Variants in MID1 observed in about 807,000 individuals in gnomAD.
The protein encoded by MID1 is midline 1.
MID1 carries 7 observed loss-of-function variants against 40.4 expected under a neutral mutation model. The observed-to-expected ratio is 0.17, with a 90% CI of 0.10 to 0.33. The LOEUF (loss-of-function observed/expected upper bound fraction) is 0.33. Among genes scored for constraint, MID1 ranks in the 10% least tolerant of loss-of-function variants. The pLI, the probability that MID1 is intolerant of heterozygous loss-of-function variation, is 1.00. For missense variants in MID1, 367 were observed against 558.5 expected, an observed-to-expected ratio of 0.66 and a Z score of 3.46; for synonymous variants, 229 against 221.2, an observed-to-expected ratio of 1.04 and a Z score of -0.31.
chrX:10,634,364 T>C (rs752526331), intron 1 of MID1, among the ~76,000 whole-genome samples: 1 of 111,641 alleles, frequency 9.0e-6, no homozygotes, highest in Non-Finnish European at 1.9e-5. Context: ...GAAATAAGCA[T>C]ATAAGTTGTA....
intron 1 of MID1, among the ~76,000 whole-genome samples, chrX:10,776,942 T>C (rs1370621815): frequency 8.9e-6 from 1 of 112,201 alleles, no homozygotes; most frequent in African/African-American, 3.2e-5. Context: ...CTATCTGCCA[T>C]GTACTGTACT....
intron 1 of MID1, among the ~76,000 whole-genome samples, chrX:10,573,054 C>A (rs1934781318): frequency 4.4e-5 from 5 of 112,606 alleles, no homozygotes; most frequent in Admixed American, 2.8e-4. Flanking sequence ...TGACAGATTA[C>A]AGTGAAGCCC....
At chrX:10,460,254 C>A (rs974409793) in intron 7 of MID1, among the ~76,000 whole-genome samples, 3 of 111,575 alleles carry the variant, frequency 2.7e-5, no homozygotes, top group African/African-American at 9.8e-5. Flanking sequence ...CAGGATGAGA[C>A]AGGGAACAGC....
chrX:10,465,218 C>CAT (rs1569272266), intron 7 of MID1, among the ~76,000 whole-genome samples: 4 of 58,486 alleles, frequency 6.8e-5, no homozygotes, highest in African/African-American at 2.7e-4. Context: ...TATATATACA[C>CAT]ACACACACAC....
At chrX:10,626,378 G>T (rs1043509382) in intron 1 of MID1, among the ~76,000 whole-genome samples, 11 of 107,825 alleles carry the variant, frequency 1.0e-4, no homozygotes, top group Admixed American at 7.0e-4. Flanking sequence ...GCCCAGGCTG[G>T]AGTGCAGTGG....
At chrX:10,564,541 G>T (rs1236018375) in intron 2 of MID1, among the ~76,000 whole-genome samples, 1 of 111,504 alleles carries the variant, frequency 9.0e-6, no homozygotes, top group Non-Finnish European at 1.9e-5. Flanking sequence ...CTGTAACTAG[G>T]AAATAAAAAG....
chrX:10,663,386 C>T (rs763511077), intron 1 of MID1, among the ~76,000 whole-genome samples: 2 of 112,005 alleles, frequency 1.8e-5, no homozygotes, highest in East Asian at 5.6e-4. Flanking sequence ...TGGAATCCTA[C>T]AATATGTGAT....
chrX:10,732,869 T>C (rs1026927437), intron 1 of MID1, among the ~76,000 whole-genome samples: 8 of 101,252 alleles, frequency 7.9e-5, no homozygotes, highest in African/African-American at 2.9e-4. Context: ...TCTTCTTTTT[T>C]TTTTTTTTTT....
At position 10,592,274 on chromosome X, in the gene MID1, TAAAAAAAAA is replaced by T. The variant is rs144661774; in HGVS notation, c.-56-24680_-56-24672del. Among the ~76,000 whole-genome samples the T allele has an allele frequency of 7.7e-3, 217 of 28,256 alleles. 2 individuals are homozygous for T. Among genetic ancestry groups the T allele is most frequent in the African/African-American group, 0.029 (207 of 7,177 alleles). The allele number at this position is 28,256 out of a possible 115,157, so 24.5% of individuals were successfully genotyped here. A position where few individuals can be genotyped will look rare whatever the true frequency, so the allele number is the denominator to read the frequency against. On this transcript the variant is annotated intron_variant, in intron 1 of 9. Coordinates refer to ENST00000317552, the MANE Select transcript of MID1 (RefSeq NM_000381.4). ...AAAATTTCCTGCTTAGGGACTGCGT[TAAAAAAAAA>T]AAAAAAAAAAAAAAAAAAAAGACCA...
At chrX:10,706,716 T>C (rs1474237152) in intron 1 of MID1, among the ~76,000 whole-genome samples, 1 of 111,500 alleles carries the variant, frequency 9.0e-6, no homozygotes, top group East Asian at 2.8e-4. Flanking sequence ...AGCATAAGAA[T>C]GGACTATTAC....
chrX:10,586,339 G>C (rs1935141951), intron 1 of MID1, among the ~76,000 whole-genome samples: 1 of 111,544 alleles, frequency 9.0e-6, no homozygotes, highest in Admixed American at 9.5e-5. Context: ...GCTTCTGGGT[G>C]TGACTGAAGC....
At chrX:10,483,417 T>C (rs1930449188) in intron 4 of MID1, among the ~76,000 whole-genome samples, 1 of 112,145 alleles carries the variant, frequency 8.9e-6, no homozygotes, top group East Asian at 2.8e-4. Flanking sequence ...TCAAACATAA[T>C]TGACCATAAC....
chrX:10,582,493 C>A (rs1935041876), intron 1 of MID1, among the ~76,000 whole-genome samples: 2 of 112,027 alleles, frequency 1.8e-5, no homozygotes, highest in African/African-American at 3.2e-5. Context: ...GAAATCAGAT[C>A]ATCACTGGAC....
intron 2 of MID1, among the ~76,000 whole-genome samples, chrX:10,533,368 G>GAA (rs1460776678): frequency 4.5e-3 from 244 of 53,733 alleles, no homozygotes; most frequent in African/African-American, 0.014. Context: ...AAGAAAGAAA[G>GAA]AAAGAAAGAA....
At chrX:10,660,662 G>A (rs752948301) in intron 1 of MID1, among the ~76,000 whole-genome samples, 1 of 111,661 alleles carries the variant, frequency 9.0e-6, no homozygotes, top group South Asian at 3.8e-4. Context: ...CCGGGCTGCT[G>A]GTCTTGTCTA....
intron 1 of MID1, among the ~76,000 whole-genome samples, chrX:10,663,514 T>C (rs1267104405): frequency 9.0e-6 from 1 of 111,690 alleles, no homozygotes; most frequent in Non-Finnish European, 1.9e-5. Context: ...CCTGCATTTG[T>C]TTTTTTGTTT....
chrX:10,758,795 A>G (rs1425008844), intron 1 of MID1, among the ~76,000 whole-genome samples: 1 of 111,257 alleles, frequency 9.0e-6, no homozygotes, highest in Non-Finnish European at 1.9e-5. Flanking sequence ...GCCTTTAAAT[A>G]GTACTTTTTC....
rs1602370193 is a variant in MID1 at position 10,538,010 on chromosome X, C to T, written c.661-14823G>A. Among the ~76,000 whole-genome samples the T allele has an allele frequency of 2.7e-5, 3 of 111,653 alleles. No individual in the cohort carries two copies. In the Middle Eastern group the frequency reaches 0.014, roughly 517 times the overall value. The stretch of plus-strand genomic sequence containing the variant: ...TTATTGAGACAGTGTCTCACTTTGT[C>T]ACCCAGGCTGGAGTACTGCGGTGTG... On this transcript the variant is annotated intron_variant, in intron 2 of 9. Coordinates refer to ENST00000317552, the MANE Select transcript of MID1 (RefSeq NM_000381.4).
intron 3 of MID1, among the ~76,000 whole-genome samples, chrX:10,518,230 C>T (rs946652959): frequency 1.8e-5 from 2 of 111,944 alleles, no homozygotes; most frequent in Non-Finnish European, 3.8e-5. Context: ...CAAAGTCCCA[C>T]GAGAGCATAT....
Sources: gnomAD v4.1 joint callset for allele counts (sites outside exome capture counted in the v4.1 genomes callset) on GRCh38, gnomAD v4.1.1 for gene constraint, MANE v1.5 for transcripts, NCBI Gene and HGNC (gene_info 2026-07-23, HGNC 2026-07-21) for gene names.